Variants in DNAH14 observed in about 807,000 individuals in gnomAD.
DNAH14 encodes the protein dynein axonemal heavy chain 14, also known as axonemal beta dynein heavy chain 14.
DNAH14 carries 478 observed loss-of-function variants against 520.9 expected under a neutral mutation model. The observed-to-expected ratio is 0.92, with a 90% CI of 0.85 to 0.99. The LOEUF (loss-of-function observed/expected upper bound fraction) is 0.99. Among genes scored for constraint, DNAH14 ranks in the 50% least tolerant of loss-of-function variants. DNAH14 has a pLI of 0.00. For missense variants in DNAH14, 4,831 were observed against 5,234.5 expected (o/e 0.92, Z 2.38); for synonymous variants, 1,581 against 1,757.2 (o/e 0.90, Z 2.51).
intron 76 of DNAH14, among the ~76,000 whole-genome samples, chr1:225,367,400 G>T (rs1340869): frequency 1 from 152,277 of 152,294 alleles, 76,130 homozygotes; most frequent in Non-Finnish European, 1. Context: ...TTCCCATGAT[G>T]TGGGACCCTC....
At chr1:224,962,199 C>T (rs967779066) in intron 4 of DNAH14, among the ~76,000 whole-genome samples, 1 of 152,108 alleles carries the variant, frequency 6.6e-6, no homozygotes, top group Admixed American at 6.6e-5. Flanking sequence ...GTATAATTGC[C>T]TCCCCCTAAG....
chr1:224,933,431 C>T (rs2058825352), intron 1 of DNAH14, among the ~76,000 whole-genome samples: 1 of 151,954 alleles, frequency 6.6e-6, no homozygotes, highest in Admixed American at 6.6e-5. Context: ...CTTGCTCTGG[C>T]CTGAATGTTC....
chr1:225,290,643 GTGTGTATATATATATATATATATA>G (rs1157680102), intron 55 of DNAH14, among the ~76,000 whole-genome samples: 1,189 of 51,156 alleles, frequency 0.023, 58 homozygotes, highest in African/African-American at 0.1. Context: ...GTGTGTGTGT[GTGTGTATATATATATATATATATA>G]TATATATATA....
rs2094822869 is a variant in DNAH14 at position 225,332,618 on chromosome 1, T to G, written c.9865-673T>G. 2.0e-5 allele frequency among the ~76,000 whole-genome samples: 3 copies of G among 152,198 alleles called. No homozygotes were observed. The South Asian group carries it at 6.2e-4, about 32-fold the overall frequency. On this transcript the variant is annotated intron_variant, in intron 65 of 85. Coordinates refer to ENST00000682510, the MANE Select transcript of DNAH14 (RefSeq NM_001367479.1). ...GTCTGGCAGATAAGTAAAGATTCAG[T>G]AAATATGGGTTGTTGTTGCTGTTAT...
intron 3 of DNAH14, among the ~76,000 whole-genome samples, chr1:224,956,684 A>C (rs920804655): frequency 6.6e-6 from 1 of 152,170 alleles, no homozygotes; most frequent in Non-Finnish European, 1.5e-5. Context: ...TACCACAAAC[A>C]ATATTTAGGT....
chr1:225,257,597 G>A (rs528867899), intron 44 of DNAH14, among the ~76,000 whole-genome samples: 33 of 149,344 alleles, frequency 2.2e-4, no homozygotes, highest in Non-Finnish European at 3.7e-4. Flanking sequence ...GTGCAGTGGC[G>A]CAATCTCGGC....
At chr1:225,192,500 TA>T (rs1279348864) in intron 37 of DNAH14, among the ~76,000 whole-genome samples, 195 bp from the exon 38 acceptor site, 1 of 152,130 alleles carries the variant, frequency 6.6e-6, no homozygotes, top group Non-Finnish European at 1.5e-5. Context: ...TACAATTTTT[TA>T]AAAGAATGAT....
Position 225,264,270 on chromosome 1 carries a change from T to G in DNAH14, c.7222+9T>G. The G allele has an allele frequency of 6.5e-7, 1 of 1,542,600 alleles. No homozygotes were observed. The highest frequency in any genetic ancestry group is 8.8e-7 in the Non-Finnish European group (1 of 1,139,982). ...AGCAACTGGAAGTTCAGGTATATATTATAGTACAGTTTCAAAGCTATGCTA... is the reference window on the plus strand; with the variant it reads ...AGCAACTGGAAGTTCAGGTATATATGATAGTACAGTTTCAAAGCTATGCTA... On this transcript the variant is annotated intron_variant, in intron 47 of 85. Transcript: ENST00000682510.
chr1:224,990,315 G>T lies in DNAH14; in HGVS notation c.831-12468G>T, dbSNP rs547827191. ...TCACCTCAAACACTTATATTTTTGG[G>T]TGAAAACATTTGAAATTTACTCTTA... On this transcript the variant is annotated intron_variant, in intron 8 of 85. Transcript: ENST00000682510. 1.7e-4 allele frequency among the ~76,000 whole-genome samples: 26 copies of T among 152,188 alleles called. No individual in the cohort carries two copies. In the East Asian group the frequency reaches 3.5e-3, roughly 20 times the overall value.
At chr1:224,934,640 C>G (rs1351296375) in intron 1 of DNAH14, among the ~76,000 whole-genome samples, 1 of 151,354 alleles carries the variant, frequency 6.6e-6, no homozygotes, top group Non-Finnish European at 1.5e-5. Context: ...TAAAAACTTC[C>G]CAAGTCTAGC....
intron 56 of DNAH14, among the ~76,000 whole-genome samples, chr1:225,302,136 C>A (rs971808623): frequency 1.4e-5 from 2 of 147,878 alleles, no homozygotes; most frequent in African/African-American, 2.5e-5. Flanking sequence ...ATATATTCTG[C>A]ATATATAATA....
intron 8 of DNAH14, among the ~76,000 whole-genome samples, chr1:224,999,059 G>A (rs1352826309): frequency 2.0e-5 from 3 of 151,648 alleles, no homozygotes. Flanking sequence ...TTCTTTATTT[G>A]GTATTAATAT....
chr1:224,952,952 A>G, intron 2 of DNAH14, 173 bp downstream of exon 2: 1 of 431,936 alleles, frequency 2.3e-6, no homozygotes, highest in Non-Finnish European at 4.0e-6. Context: ...CTGATAAGAC[A>G]GGCAAATTAA....
At chr1:225,128,648 G>C (rs1168090529) in intron 27 of DNAH14, among the ~76,000 whole-genome samples, 1 of 151,692 alleles carries the variant, frequency 6.6e-6, no homozygotes, top group Non-Finnish European at 1.5e-5. Context: ...AATAAATTAG[G>C]TATTGATGGG....
At chr1:225,103,548 T>A (rs1165304248) in intron 23 of DNAH14, among the ~76,000 whole-genome samples, 1 of 152,156 alleles carries the variant, frequency 6.6e-6, no homozygotes, top group Non-Finnish European at 1.5e-5. Flanking sequence ...CATTTGTTTG[T>A]ATCCTCTTTT....
chr1:225,395,675 A>T (rs2096001982), intron 84 of DNAH14: 1 of 151,620 alleles, frequency 6.6e-6, no homozygotes. Flanking sequence ...TGTGCATATT[A>T]TTGACGGTGG....
chr1:225,130,212 C>G (rs2078240703), intron 27 of DNAH14, among the ~76,000 whole-genome samples: 1 of 152,190 alleles, frequency 6.6e-6, no homozygotes, highest in African/African-American at 2.4e-5. Context: ...CACTTTTACA[C>G]TGTTGGTGGG....
chr1:225,322,882 A>G (rs1574764675), intron 62 of DNAH14, 59 bp downstream of exon 62: 2 of 1,400,034 alleles, frequency 1.4e-6, no homozygotes, highest in East Asian at 2.6e-5. Flanking sequence ...GATCAAACAG[A>G]CCACCTGCCA....
chr1:225,371,726 A>C (rs2150652250), intron 77 of DNAH14, among the ~76,000 whole-genome samples: 1 of 152,294 alleles, frequency 6.6e-6, no homozygotes, highest in Admixed American at 6.5e-5. Context: ...ACTGGATAAA[A>C]ATGTAAAGAT....
Sources: allele counts gnomAD v4.1 joint callset (sites outside exome capture counted in the v4.1 genomes callset), GRCh38; gene constraint gnomAD v4.1.1; transcripts MANE v1.5; gene names NCBI Gene and HGNC (gene_info 2026-07-23, HGNC 2026-07-21).